The following METTL13 variants were observed in gnomAD, a reference collection of about 807,000 sequenced individuals.
METTL13 encodes the protein methyltransferase 13, eEF1A N-terminus and K55, also known as eEF1A lysine and N-terminal methyltransferase.
A neutral mutation model predicts 67.4 loss-of-function variants in METTL13; 52 were observed. The observed-to-expected ratio is 0.77, with a 90% CI of 0.62 to 0.97. METTL13 has a LOEUF of 0.97. Among genes scored for constraint, METTL13 ranks in the 50% least tolerant of loss-of-function variants. The probability of loss-of-function intolerance (pLI) is 0.00; values close to 1 mark genes in which losing one functional copy is unlikely to be tolerated. For synonymous variants in METTL13, 354 were observed against 353.6 expected, an observed-to-expected ratio of 1.00 and a Z score of -0.01; for missense variants, 825 against 889.6, an observed-to-expected ratio of 0.93 and a Z score of 0.92.
chr1:171,787,979 A>G, intron 4 of METTL13, 49 bp downstream of exon 4: 1 of 1,591,648 alleles, frequency 6.3e-7, no homozygotes, highest in Non-Finnish European at 8.6e-7. Context: ...CGTGGCATGG[A>G]CTAGATTTCT....
chr1:171,795,991 C>A (rs1416614751), intron 7 of METTL13, among the ~76,000 whole-genome samples: 1 of 152,116 alleles, frequency 6.6e-6, no homozygotes, highest in Non-Finnish European at 1.5e-5. Flanking sequence ...CTCAGCCTCC[C>A]TAGCAGCTGG....
intron 3 of METTL13, 26 bp downstream of exon 3, chr1:171,786,104 A>G (rs1356980330): frequency 2.5e-6 from 4 of 1,598,144 alleles, no homozygotes; most frequent in South Asian, 1.1e-5. Flanking sequence ...TACGGCTTTC[A>G]TGGGTCTCTG....
chr1:171,790,390 C>G lies in METTL13; in HGVS notation c.1310-62C>G, dbSNP rs960806244. On this transcript the variant is annotated intron_variant, in intron 4 of 7. Coordinates refer to ENST00000361735, the MANE Select transcript of METTL13 (RefSeq NM_015935.5). Reference sequence around the variant, plus strand: ...CAAGCCATCTGGAGCACACTGCTGCCAGTAACCCTTGCTTCCTGAGGACTA... The same window carrying G: ...CAAGCCATCTGGAGCACACTGCTGCGAGTAACCCTTGCTTCCTGAGGACTA... 34 of 1,416,340 alleles carry G rather than the reference C, an allele frequency of 2.4e-5. No individual in the cohort carries two copies. The African/African-American group carries it at 4.7e-4, about 19-fold the overall frequency. 87.7% of individuals were successfully genotyped at this position (1,416,340 alleles called of 1,614,324 possible).
chr1:171,795,122 G>A (rs554621887), intron 7 of METTL13, among the ~76,000 whole-genome samples: 55 of 152,302 alleles, frequency 3.6e-4, no homozygotes, highest in Non-Finnish European at 5.9e-4. Context: ...CACTGAACTT[G>A]GCTGAATGTA....
chr1:171,790,771 A>C, intron 5 of METTL13, 155 bp downstream of exon 5: 14 of 771,132 alleles, frequency 1.8e-5, no homozygotes, highest in Admixed American at 4.0e-5. Context: ...TGAGCATTCT[A>C]ATTAACTGTT....
intron 5 of METTL13, among the ~76,000 whole-genome samples, chr1:171,791,767 T>G (rs533783516): frequency 3.4e-4 from 52 of 152,292 alleles, no homozygotes; most frequent in African/African-American, 1.2e-3. Flanking sequence ...CCTGGCCACT[T>G]TGAGATCTTT....
At position 171,794,502 on chromosome 1, in the gene METTL13, G is replaced by C; in HGVS notation, c.1800G>C (p.Lys600Asn). 2.5e-6 allele frequency: 4 copies of C among 1,614,230 alleles called. No individual in the cohort carries two copies. Among genetic ancestry groups the C allele is most frequent in the Non-Finnish European group, 2.5e-6 (3 of 1,180,036 alleles). ...TTGTGGAGCAATCTTTTCTACAGAA[G>C]GTTAAAAGCATCTTGACTCCTGAAG... is the stretch of plus-strand genomic sequence containing the variant. ...PAFVEQSFLQKVKSILTPEGV... is the reference protein window; with the variant it reads ...PAFVEQSFLQNVKSILTPEGV... The change falls in exon 7 of 8, where the codon AAG (lysine) becomes AAC (asparagine). Residue 600 changes from lysine to asparagine, a missense_variant. Transcript: ENST00000361735.
At chr1:171,793,135 T>C (rs1452141401) in intron 6 of METTL13, among the ~76,000 whole-genome samples, 1 of 152,192 alleles carries the variant, frequency 6.6e-6, no homozygotes, top group Non-Finnish European at 1.5e-5. Flanking sequence ...TAACAGATAC[T>C]CTGGTCTCAC....
At chr1:171,787,156 G>A (rs1657044794) in intron 3 of METTL13, among the ~76,000 whole-genome samples, 1 of 151,840 alleles carries the variant, frequency 6.6e-6, no homozygotes, top group Non-Finnish European at 1.5e-5. Flanking sequence ...AGGAGATATT[G>A]GTGATTATTA....
In METTL13 at chr1:171,784,304, G is replaced by A. The variant is rs760332211; in HGVS notation, c.718G>A (p.Glu240Lys). The A allele has an allele frequency of 2.5e-6, 4 of 1,608,498 alleles. No individual in the cohort carries two copies. Among genetic ancestry groups the A allele is most frequent in the South Asian group, 1.1e-5 (1 of 90,682 alleles). Reference sequence around the variant, plus strand: ...CAAGCCTGTGCGGCTGGAGAGTGCCGAGCGGCTGGCCGAGGCGGTGCAGGA... The same window carrying A: ...CAAGCCTGTGCGGCTGGAGAGTGCCAAGCGGCTGGCCGAGGCGGTGCAGGA... ...QRKPVRLESA[E>K]RLAEAVQERQ... The change falls in exon 2 of 8, where the codon GAG becomes AAG. Residue 240 changes from glutamate (E) to lysine (K), a missense_variant. Glu to Lys is a moderately conservative substitution (Grantham distance 56, BLOSUM62 1). Transcript: ENST00000361735.
intron 2 of METTL13, among the ~76,000 whole-genome samples, chr1:171,784,863 G>C (rs551633320): frequency 6.6e-6 from 1 of 152,180 alleles, no homozygotes; most frequent in Non-Finnish European, 1.5e-5. Context: ...AGTAATGCTG[G>C]ACTAGCAAGT....
Position 171,783,814 on chromosome 1 carries a change from C to G in METTL13, c.228C>G (p.Asn76Lys). Residue 76 changes from asparagine (N) to lysine (K), a missense_variant, in exon 2 of 8, where the codon AAC becomes AAG. Transcript: ENST00000361735. ...ATGTGGGCTATCGGGATATAGTGAA[C>G]ATCGACATCAGTGAGGTTGTCATCA... ...LYDVGYRDIV[N>K]IDISEVVIKQ... 6.2e-7 allele frequency: 1 copy of G among 1,614,148 alleles called. No individual in the cohort carries two copies. The highest frequency in any genetic ancestry group is 2.2e-5 in the East Asian group (1 of 44,872).
At position 171,790,589 on chromosome 1, in the gene METTL13, C is replaced by A; in HGVS notation, c.1447C>A (p.Leu483Met). The A allele has an allele frequency of 6.3e-7, 1 of 1,583,446 alleles. No homozygotes were observed. The highest frequency in any genetic ancestry group is 8.6e-7 in the Non-Finnish European group (1 of 1,168,136). ...CAAAGCCATGATCGCTGGCCTTGCC[C>A]TGCTGAGAAACCCAGAGCTACTCCT... Reference protein sequence around the residue: ...HHKAMIAGLALLRNPELLLEI... With the variant: ...HHKAMIAGLAMLRNPELLLEI... The change falls in exon 5 of 8, where the codon CTG (leucine) becomes ATG (methionine). Residue 483 changes from leucine to methionine, a missense_variant. By Grantham distance (15) the Leu-to-Met change is conservative. Coordinates refer to ENST00000361735, the MANE Select transcript of METTL13 (RefSeq NM_015935.5).
At position 171,781,710 on chromosome 1, in the gene METTL13, G is replaced by A. The variant is rs560681585; in HGVS notation, c.-258G>A. 1.7e-6 allele frequency: 2 copies of A among 1,183,764 alleles called. No individual in the cohort carries two copies. The highest frequency in any genetic ancestry group is 1.6e-5 in the African/African-American group (1 of 64,020). 73.3% of individuals were successfully genotyped at this position (1,183,764 alleles called of 1,614,324 possible). On this transcript the variant is annotated 5_prime_UTR_variant, in exon 1 of 8. Transcript: ENST00000361735. ...AATCTAGTTCGGGAAAAGTGTGAGG[G>A]GCTCTTCACGTGGGGAAGGAACAGC...
rs2124909559 is a variant in METTL13 at position 171,797,711 on chromosome 1, C to T, written c.*955C>T. ...ATTCAGAACCATTAAACCAATGATT[C>T]CAAGACTGGCTTGAATTTTGTCTTT... On this transcript the variant is annotated 3_prime_UTR_variant, in exon 8 of 8. Transcript: ENST00000361735. 6.6e-6 allele frequency: 1 copy of T among 152,274 alleles called. No individual in the cohort carries two copies. Among genetic ancestry groups the T allele is most frequent in the East Asian group, 1.9e-4 (1 of 5,184 alleles). 9.4% of individuals were successfully genotyped at this position (152,274 alleles called of 1,614,324 possible). A position where few individuals can be genotyped will look rare whatever the true frequency, so the allele number is the denominator to read the frequency against.
In METTL13 at chr1:171,792,093, G is replaced by A; in HGVS notation, c.1551G>A (p.Lys517=). 6.2e-7 allele frequency: 1 copy of A among 1,614,004 alleles called. No individual in the cohort carries two copies. Among genetic ancestry groups the A allele is most frequent in the Non-Finnish European group, 8.5e-7 (1 of 1,180,050 alleles). The part of the protein sequence containing the change: ...LPLFVHDHFP[K]SCIDAVEIDP... ...TCTTTGTCCACGATCATTTTCCAAA[G>A]TCCTGCATTGATGCTGTGGAGATCG... The change falls in exon 6 of 8, where the codon AAG becomes AAA. Residue 517 remains lysine (K), a synonymous_variant. Coordinates refer to ENST00000361735, the MANE Select transcript of METTL13 (RefSeq NM_015935.5).
rs1031670881 is a variant in METTL13, at chr1:171,787,897, G to A, written c.1276G>A (p.Glu426Lys). The A allele has an allele frequency of 6.8e-6, 11 of 1,613,798 alleles. No individual in the cohort carries two copies. The highest frequency in any genetic ancestry group is 1.1e-5 in the South Asian group (1 of 91,056). ...CAGCAACAGGAATGTGGTGCAGTCC[G>A]AAGCCAGGTTGCTGAAGGATGTGTC... is the stretch of plus-strand genomic sequence containing the variant. ...FLSNRNVVQS[E>K]ARLLKDVSHK... The change falls in exon 4 of 8, where the codon GAA becomes AAA. Residue 426 changes from glutamate (E) to lysine (K), a missense_variant. Physicochemically the swap from Glu to Lys is moderately conservative, Grantham distance 56. Coordinates refer to ENST00000361735, the MANE Select transcript of METTL13 (RefSeq NM_015935.5).
rs765001555 is a variant in METTL13, at chr1:171,783,958, G to C, written c.372G>C (p.Leu124=). 1.4e-5 allele frequency: 22 copies of C among 1,614,242 alleles called. No individual in the cohort carries two copies. The East Asian group carries it at 4.2e-4, about 31-fold the overall frequency. The change falls in exon 2 of 8, where the codon CTG becomes CTC. Residue 124 remains leucine, a synonymous_variant. Transcript: ENST00000361735. ...AGGTGGTGTTGGACAAGGGCACCCTGGATGCTGTCCTGACAGATGAGGAAG... is the reference window on the plus strand; with the variant it reads ...AGGTGGTGTTGGACAAGGGCACCCTCGATGCTGTCCTGACAGATGAGGAAG... ...SFQVVLDKGT[L]DAVLTDEEEK...
chr1:171,796,698 G>C lies in METTL13; in HGVS notation c.2042G>C (p.Arg681Thr). The change falls in exon 8 of 8, where the codon AGG (arginine) becomes ACG (threonine). Residue 681 changes from arginine (R) to threonine (T), a missense_variant. By Grantham distance (71) the Arg-to-Thr change is moderately conservative. Transcript: ENST00000361735. ...ALERTLRKPGRGWDDTYVLSD... is the reference protein window; with the variant it reads ...ALERTLRKPGTGWDDTYVLSD... ...GAGCGGACCCTGAGGAAGCCTGGGA[G>C]GGGTTGGGATGACACGTATGTCTTG... 1.9e-6 allele frequency: 3 copies of C among 1,614,232 alleles called. No individual in the cohort carries two copies. The highest frequency in any genetic ancestry group is 2.5e-6 in the Non-Finnish European group (3 of 1,180,044).
Sources: allele counts gnomAD v4.1 joint callset (sites outside exome capture counted in the v4.1 genomes callset), GRCh38; gene constraint gnomAD v4.1.1; transcripts MANE v1.5; gene names NCBI Gene and HGNC (gene_info 2026-07-23, HGNC 2026-07-21).